Variants in POR observed in about 807,000 individuals in gnomAD.
POR encodes the protein cytochrome p450 oxidoreductase.
A neutral mutation model predicts 84.0 loss-of-function variants in POR; 56 were observed. That is an observed-to-expected ratio of 0.67 (90% confidence interval 0.54 to 0.83). POR has a LOEUF of 0.83. Among genes scored for constraint, POR ranks in the 40% least tolerant of loss-of-function variants. POR has a pLI of 0.00. For synonymous variants in POR, 414 were observed against 400.5 expected (o/e 1.03, Z -0.40); for missense variants, 938 against 944.3 (o/e 0.99, Z 0.09).
In POR at chr7:75,985,178, C is replaced by G. The variant is rs1320160372; in HGVS notation, c.1369C>G (p.Arg457Gly). 6.3e-7 allele frequency: 1 copy of G among 1,597,770 alleles called. No individual in the cohort carries two copies. Among genetic ancestry groups the G allele is most frequent in the South Asian group, 1.1e-5 (1 of 90,946 alleles). ...TGAGCTGCTGCCGCGCCTGCAGGCC[C>G]GCTACTACTCCATCGCCTCATCCTC... Residue 457 changes from arginine to glycine, a missense_variant, in exon 12 of 16, where the codon CGC becomes GGC. Transcript: ENST00000461988.
intron 1 of POR, among the ~76,000 whole-genome samples, chr7:75,928,401 C>T (rs1253136775): frequency 2.0e-5 from 3 of 152,198 alleles, no homozygotes; most frequent in Non-Finnish European, 4.4e-5. Flanking sequence ...ATGTTCACTG[C>T]GTGTTTCTGG....
At chr7:75,940,320 C>T (rs1340107622) in intron 1 of POR, among the ~76,000 whole-genome samples, 1 of 151,754 alleles carries the variant, frequency 6.6e-6, no homozygotes, top group Non-Finnish European at 1.5e-5. Flanking sequence ...CTCCTGACCT[C>T]AGGTGATCCA....
chr7:75,966,296 C>T (rs1414157182), intron 2 of POR, among the ~76,000 whole-genome samples: 1 of 152,114 alleles, frequency 6.6e-6, no homozygotes, highest in Non-Finnish European at 1.5e-5. Context: ...CATCAGAGTC[C>T]CTGTCCGCAG....
intron 2 of POR, among the ~76,000 whole-genome samples, chr7:75,955,983 A>G (rs1787669835): frequency 6.6e-6 from 1 of 152,200 alleles, no homozygotes; most frequent in African/African-American, 2.4e-5. Flanking sequence ...ATGGACAGGG[A>G]ATTAGTTTTA....
intron 1 of POR, among the ~76,000 whole-genome samples, chr7:75,926,444 G>A (rs1405864780): frequency 1.3e-5 from 2 of 152,164 alleles, no homozygotes; most frequent in Non-Finnish European, 2.9e-5. Context: ...GTGCCATTGA[G>A]GGAGAAGCAT....
At chr7:75,925,409 C>T (rs528027789) in intron 1 of POR, among the ~76,000 whole-genome samples, 17 of 152,254 alleles carry the variant, frequency 1.1e-4, no homozygotes, top group African/African-American at 3.9e-4. Context: ...CCTGTAGTCC[C>T]AGCTACTCAA....
At chr7:75,980,815 C>T in intron 5 of POR, 1 of 1,261,392 alleles carries the variant, frequency 7.9e-7, no homozygotes, top group South Asian at 1.5e-5. Context: ...CCCCGCTTCC[C>T]TGTGGGTTGA....
At chr7:75,970,206 G>T (rs367691191) in intron 2 of POR, among the ~76,000 whole-genome samples, 2 of 151,990 alleles carry the variant, frequency 1.3e-5, no homozygotes, top group Non-Finnish European at 1.5e-5. Flanking sequence ...CCTTACTCAG[G>T]GTGTAGCTAT....
At chr7:75,961,386 T>G (rs1381902387) in intron 2 of POR, among the ~76,000 whole-genome samples, 3 of 152,166 alleles carry the variant, frequency 2.0e-5, no homozygotes, top group Non-Finnish European at 4.4e-5. Flanking sequence ...GTGCGCTGCA[T>G]TCACTCTGAC....
chr7:75,927,066 A>G (rs576511217), intron 1 of POR, among the ~76,000 whole-genome samples: 1 of 152,336 alleles, frequency 6.6e-6, no homozygotes, highest in South Asian at 2.1e-4. Context: ...GATGGTTGAT[A>G]GAATAGCTCT....
At chr7:75,969,557 C>T (rs995519294) in intron 2 of POR, among the ~76,000 whole-genome samples, 9 of 152,230 alleles carry the variant, frequency 5.9e-5, no homozygotes, top group Non-Finnish European at 1.2e-4. Flanking sequence ...TCACGGGGCA[C>T]TGGAGTTTGC....
At chr7:75,973,583 G>A (rs1554556470) in intron 3 of POR, among the ~76,000 whole-genome samples, 1 of 151,468 alleles carries the variant, frequency 6.6e-6, no homozygotes, top group Non-Finnish European at 1.5e-5. Context: ...CTCCCAAAGT[G>A]CTGGGACTGT....
chr7:75,983,947 C>T, intron 10 of POR, 91 bp downstream of exon 10: 1 of 1,049,006 alleles, frequency 9.5e-7, no homozygotes. Flanking sequence ...CTGCTTAGGC[C>T]TGAAGCCCCG....
chr7:75,932,822 AGCCTG>A (rs546069604), intron 1 of POR, among the ~76,000 whole-genome samples: 199 of 152,260 alleles, frequency 1.3e-3, no homozygotes, highest in African/African-American at 4.6e-3. Flanking sequence ...GTTTGAGACC[AGCCTG>A]GCCAACATAG....
At chr7:75,927,353 A>G (rs1476824639) in intron 1 of POR, among the ~76,000 whole-genome samples, 1 of 151,934 alleles carries the variant, frequency 6.6e-6, no homozygotes, top group Non-Finnish European at 1.5e-5. Context: ...ACAAAAAATT[A>G]ATGGGGCTTG....
intron 2 of POR, among the ~76,000 whole-genome samples, chr7:75,954,503 G>A (rs781603417): frequency 1.1e-4 from 16 of 152,158 alleles, no homozygotes; most frequent in South Asian, 6.2e-4. Context: ...CAATAGCAGC[G>A]CTAGAGCTGG....
chr7:75,945,085 A>G (rs1246850252), intron 1 of POR, among the ~76,000 whole-genome samples: 2 of 152,144 alleles, frequency 1.3e-5, no homozygotes, highest in East Asian at 1.9e-4. Flanking sequence ...GTTCATTACC[A>G]GACTGGGCAA....
intron 1 of POR, among the ~76,000 whole-genome samples, chr7:75,932,186 T>TC (rs1445817484): frequency 6.6e-6 from 1 of 151,996 alleles, no homozygotes; most frequent in Non-Finnish European, 1.5e-5. Context: ...GAAATTCTTT[T>TC]TTTTTTTTTT....
At position 75,981,974 on chromosome 7, in the gene POR, C is replaced by T. The variant is rs1246700246; in HGVS notation, c.732-250C>T. 5.3e-6 allele frequency: 3 copies of T among 570,142 alleles called. No individual in the cohort carries two copies. In the African/African-American group the frequency reaches 5.6e-5, roughly 11 times the overall value. 35.3% of individuals were successfully genotyped at this position (570,142 alleles called of 1,614,324 possible). Reference sequence around the variant, plus strand: ...CTGCCCGGGCTTCCTTACCTTCTCCCAGATGGAAGCCTGCCCAGCCCTGCC... The same window carrying T: ...CTGCCCGGGCTTCCTTACCTTCTCCTAGATGGAAGCCTGCCCAGCCCTGCC... On this transcript the variant is annotated intron_variant, in intron 7 of 15. Coordinates refer to ENST00000461988, the MANE Select transcript of POR (RefSeq NM_000941.3).
Sources: allele counts gnomAD v4.1 joint callset (sites outside exome capture counted in the v4.1 genomes callset), GRCh38; gene constraint gnomAD v4.1.1; transcripts MANE v1.5; gene names NCBI Gene and HGNC (gene_info 2026-07-23, HGNC 2026-07-21).